Variants in ZNF273 observed in about 807,000 individuals in gnomAD.
ZNF273 encodes the protein zinc finger protein 9.
A neutral mutation model predicts 14.9 loss-of-function variants in ZNF273; 11 were observed. The observed-to-expected ratio is 0.74, with a 90% CI of 0.46 to 1.22. The LOEUF is 1.22. Ranked by LOEUF, ZNF273 falls within the 50% of genes most tolerant of loss-of-function variation. ZNF273 has a pLI of 0.00. For synonymous variants in ZNF273, 199 were observed against 223.9 expected (o/e 0.89, Z 0.99); for missense variants, 577 against 660.6 (o/e 0.87, Z 1.39).
At chr7:64,917,916 C>T (rs1794127772) in intron 2 of ZNF273, among the ~76,000 whole-genome samples, 1 of 152,086 alleles carries the variant, frequency 6.6e-6, no homozygotes, top group African/African-American at 2.4e-5. Flanking sequence ...ATCCTTCACT[C>T]TAGATTAATG....
At chr7:64,889,450 A>G, downstream of ZNF273, 8 of 985,634 alleles carry the variant, frequency 8.1e-6, no homozygotes, top group Non-Finnish European at 9.6e-6. The surrounding 1 kb of genome is among the most constrained non-coding windows in gnomAD (Gnocchi z 4.2). Flanking sequence ...GGGTGGCCTC[A>G]CCTTTCCTGG....
At chr7:64,881,441 G>T (rs1042881133), downstream of ZNF273, among the ~76,000 whole-genome samples, 1 of 152,252 alleles carries the variant, frequency 6.6e-6, no homozygotes, top group African/African-American at 2.4e-5. Context: ...AGGCTGCTGT[G>T]ATACTTTTGG....
At chr7:64,895,520 T>C (rs951849225) in intron 3 of ZNF273, among the ~76,000 whole-genome samples, 1 of 152,182 alleles carries the variant, frequency 6.6e-6, no homozygotes, top group Non-Finnish European at 1.5e-5. Context: ...TTGAATGAAA[T>C]TTTTATTACT....
At chr7:64,888,657 AG>A (rs1791757985) in exon 2 of ZNF273, 1 of 985,784 alleles carries the variant, frequency 1.0e-6, no homozygotes, top group Non-Finnish European at 1.2e-6. Context: ...GCCCCTGACC[AG>A]GGGGCCGCGT....
the ZNF273 span, among the ~76,000 whole-genome samples, chr7:64,936,033 AAAC>A: frequency 6.6e-6 from 1 of 152,202 alleles, no homozygotes; most frequent in Non-Finnish European, 1.5e-5. Flanking sequence ...AATCCTGGCT[AAAC>A]AACTTGAAGG....
chr7:64,932,702 A>C (rs1276818760), downstream of ZNF273, among the ~76,000 whole-genome samples: 1 of 152,028 alleles, frequency 6.6e-6, no homozygotes, highest in Non-Finnish European at 1.5e-5. Context: ...TGGGTGGATT[A>C]CTTAAGGCCA....
chr7:64,916,322 C>T (rs145083562), intron 1 of ZNF273, among the ~76,000 whole-genome samples: 16 of 146,384 alleles, frequency 1.1e-4, no homozygotes, highest in Non-Finnish European at 2.2e-4. Flanking sequence ...GACAGGAGTT[C>T]GAGACCAGGC....
At chr7:64,889,447 C>T (rs1050988782), downstream of ZNF273, 1 of 985,770 alleles carries the variant, frequency 1.0e-6, no homozygotes, top group East Asian at 1.1e-4. This position sits in a 1 kb window ranked among gnomAD's most constrained non-coding sequence, Gnocchi z 4.2. Context: ...CTCGGGTGGC[C>T]TCACCTTTCC....
intron 1 of ZNF273, among the ~76,000 whole-genome samples, chr7:64,907,941 G>A (rs530745940): frequency 6.6e-5 from 10 of 152,236 alleles, no homozygotes; most frequent in South Asian, 2.1e-4. Context: ...TCAAACATAC[G>A]CACTAGACAT....
At chr7:64,911,623 T>G (rs1793520293) in intron 1 of ZNF273, among the ~76,000 whole-genome samples, 1 of 27,430 alleles carries the variant, frequency 3.6e-5, no homozygotes, top group Non-Finnish European at 1.9e-4. Context: ...CTAATTGTAT[T>G]TATTTGAATC....
downstream of ZNF273, among the ~76,000 whole-genome samples, chr7:64,892,527 G>A (rs78512847): frequency 0.025 from 3,830 of 152,222 alleles, 72 homozygotes; most frequent in Admixed American, 0.051. Context: ...TGTTCTTCTG[G>A]GGTGATACCC....
intron 1 of ZNF273, among the ~76,000 whole-genome samples, chr7:64,906,730 AT>A (rs942351934): frequency 2.2e-4 from 33 of 152,190 alleles, no homozygotes; most frequent in African/African-American, 7.5e-4. Flanking sequence ...CCACAGGCAG[AT>A]GCAGTTAAAG....
At chr7:64,900,601 C>T (rs961343792), upstream of ZNF273, among the ~76,000 whole-genome samples, 9 of 152,058 alleles carry the variant, frequency 5.9e-5, no homozygotes, top group Admixed American at 3.9e-4. Context: ...CACCATTGAA[C>T]GTTAAAGAAA....
chr7:64,878,857 A>C (rs1431713832), intron 2 of ZNF273, among the ~76,000 whole-genome samples: 1 of 152,108 alleles, frequency 6.6e-6, no homozygotes, highest in Non-Finnish European at 1.5e-5. Flanking sequence ...AAAATCTTCC[A>C]CAGTAAACAT....
chr7:64,901,246 A>G (rs1410897602), upstream of ZNF273, among the ~76,000 whole-genome samples: 1 of 152,000 alleles, frequency 6.6e-6, no homozygotes, highest in Non-Finnish European at 1.5e-5. Flanking sequence ...CAGGTGATCT[A>G]CCTGCCTCAG....
Position 64,927,820 on chromosome 7 carries a change from TG to T in ZNF273, c.494del (p.Gly165AspfsTer6). 1.2e-6 allele frequency: 2 copies of T among 1,614,062 alleles called. No homozygotes were observed. Among genetic ancestry groups the T allele is most frequent in the Non-Finnish European group, 1.7e-6 (2 of 1,179,984 alleles). On this transcript the variant is annotated frameshift_variant, in exon 4 of 4. Coordinates refer to ENST00000476120, the MANE Select transcript of ZNF273 (RefSeq NM_021148.3). LOFTEE classifies it low-confidence loss of function (END_TRUNC). ...ATAAGGTGCACAAAAGAGGTTATAA[TG>T]GACTTAACCAATGTTTGACAACTAC... ...EHKVHKRGYN[G>X]LNQCLTTTQS...
intron 3 of ZNF273, among the ~76,000 whole-genome samples, chr7:64,920,946 G>A (rs373283168): frequency 6.6e-6 from 1 of 151,950 alleles, no homozygotes; most frequent in African/African-American, 2.4e-5. Context: ...TGTTGTGAGG[G>A]GATAAATGAA....
At chr7:64,932,224 T>TAAAA (rs34367766), downstream of ZNF273, among the ~76,000 whole-genome samples, 12 of 146,768 alleles carry the variant, frequency 8.2e-5, no homozygotes, top group African/African-American at 1.8e-4. Context: ...TAACTGTTTG[T>TAAAA]AAAAAAAAAA....
At chr7:64,885,785 G>T (rs1248083619) in intron 1 of ZNF273, among the ~76,000 whole-genome samples, 1 of 152,236 alleles carries the variant, frequency 6.6e-6, no homozygotes, top group African/African-American at 2.4e-5. Context: ...TGGGGCCACA[G>T]TGCCATTGGC....
Sources: gnomAD v4.1 joint callset for allele counts (sites outside exome capture counted in the v4.1 genomes callset) on GRCh38, gnomAD v4.1.1 for gene constraint, Gnocchi (gnomAD v3.1) non-coding constraint, MANE v1.5 for transcripts, NCBI Gene and HGNC (gene_info 2026-07-23, HGNC 2026-07-21) for gene names.